The following RPTOR variants were observed in gnomAD, a reference collection of about 807,000 sequenced individuals.
The protein encoded by RPTOR is regulatory-associated protein of mTOR.
RPTOR carries 21 observed loss-of-function variants against 169.9 expected under a neutral mutation model. The observed-to-expected ratio is 0.12, with a 90% CI of 0.09 to 0.18. The LOEUF (loss-of-function observed/expected upper bound fraction) is 0.18. Among genes scored for constraint, RPTOR ranks in the 10% least tolerant of loss-of-function variants. RPTOR has a pLI of 1.00. For missense variants in RPTOR, 1,133 were observed against 1,855.9 expected, an observed-to-expected ratio of 0.61 and a Z score of 7.16; for synonymous variants, 732 against 753.2, an observed-to-expected ratio of 0.97 and a Z score of 0.46.
At chr17:80,921,992 G>A (rs2068750825) in intron 21 of RPTOR, among the ~76,000 whole-genome samples, 1 of 152,144 alleles carries the variant, frequency 6.6e-6, no homozygotes, top group African/African-American at 2.4e-5. Context: ...TGAGTTCCAG[G>A]CCCCGTCACA....
In RPTOR at chr17:80,634,264, CGTGTGTGTGCGTACT is replaced by C. The variant is rs1192760254; in HGVS notation, c.265+8505_265+8519del. ...GCGTGCATACTGTATGCGTGCATAC[CGTGTGTGTGCGTACT>C]GTGTGTGTGCGTACTGTGTGTGTGC... On this transcript the variant is annotated intron_variant, in intron 2 of 33. Coordinates refer to ENST00000306801, the MANE Select transcript of RPTOR (RefSeq NM_020761.3). 1.5e-3 allele frequency among the ~76,000 whole-genome samples: 64 copies of C among 43,936 alleles called. 1 individual carries two copies. The highest frequency in any genetic ancestry group is 0.013 in the East Asian group (21 of 1,608). 28.8% of individuals were successfully genotyped at this position (43,936 alleles called of 152,430 possible). A position where few individuals can be genotyped will look rare whatever the true frequency, so the allele number is the denominator to read the frequency against.
intron 9 of RPTOR, among the ~76,000 whole-genome samples, chr17:80,834,419 C>T (rs1249018426): frequency 6.6e-6 from 1 of 152,298 alleles, no homozygotes; most frequent in African/African-American, 2.4e-5. Context: ...ATCGTCTGGG[C>T]GCCGAGCCAC....
At chr17:80,774,694 C>T (rs1209878482) in intron 6 of RPTOR, among the ~76,000 whole-genome samples, 1 of 152,160 alleles carries the variant, frequency 6.6e-6, no homozygotes, top group African/African-American at 2.4e-5. Context: ...ACAGAGCTTT[C>T]GGCAGGGACA....
chr17:80,917,924 A>C (rs1281223000), intron 21 of RPTOR, among the ~76,000 whole-genome samples: 1 of 151,984 alleles, frequency 6.6e-6, no homozygotes, highest in African/African-American at 2.4e-5. Flanking sequence ...TGCCTCTCCC[A>C]CCAAGCCACG....
chr17:80,709,890 T>A (rs2143104927), intron 4 of RPTOR, among the ~76,000 whole-genome samples: 1 of 152,252 alleles, frequency 6.6e-6, no homozygotes, highest in South Asian at 2.1e-4. Flanking sequence ...TTCCAGACAG[T>A]AATGATTTTT....
chr17:80,793,102 TGGCCGTGCCA>T (rs1420922971), intron 7 of RPTOR, among the ~76,000 whole-genome samples: 1 of 152,212 alleles, frequency 6.6e-6, no homozygotes, highest in Non-Finnish European at 1.5e-5. Flanking sequence ...TGAGTGATTC[TGGCCGTGCCA>T]GGCCAAAATC....
rs9899844 is a variant in RPTOR at position 80,823,976 on chromosome 17, G to A, written c.1136+753G>A. 1.3e-5 allele frequency among the ~76,000 whole-genome samples: 2 copies of A among 152,164 alleles called. No homozygotes were observed. The highest frequency in any genetic ancestry group is 6.5e-5 in the Admixed American group (1 of 15,282). ...AAGAGCGATTAACGTATGCCTAGCC[G>A]CAGAAGCCATCATGTGGCGTATTTT... On this transcript the variant is annotated intron_variant, in intron 9 of 33. Transcript: ENST00000306801. The surrounding 1 kb of genome is among the most constrained non-coding windows in gnomAD (Gnocchi z 4.5).
intron 6 of RPTOR, among the ~76,000 whole-genome samples, chr17:80,783,932 A>G (rs1042821939): frequency 3.9e-5 from 6 of 152,186 alleles, no homozygotes; most frequent in Admixed American, 3.9e-4. Flanking sequence ...AACGTTTGCA[A>G]GTTAGGAAAG....
rs373138358 is a variant in RPTOR, at chr17:80,857,765, C to T, written c.1399-25C>T. 7.7e-5 allele frequency: 121 copies of T among 1,565,926 alleles called. No individual in the cohort carries two copies. In the African/African-American group the frequency reaches 1.1e-3, roughly 14 times the overall value. ...CCGTTCCCTTGCTGCGGCACAGGTG[C>T]GCTGACGCCCTCCCTCGCCCCCAGG... On this transcript the variant is annotated intron_variant, in intron 12 of 33. Coordinates refer to ENST00000306801, the MANE Select transcript of RPTOR (RefSeq NM_020761.3).
intron 4 of RPTOR, among the ~76,000 whole-genome samples, chr17:80,728,719 A>AT (rs542891937): frequency 9.0e-4 from 133 of 147,772 alleles, no homozygotes; most frequent in Non-Finnish European, 1.5e-3. Flanking sequence ...TTCTTTATTA[A>AT]TTTTTTTTTG....
At chr17:80,752,479 A>G (rs1406778587) in intron 5 of RPTOR, among the ~76,000 whole-genome samples, 1 of 152,246 alleles carries the variant, frequency 6.6e-6, no homozygotes, top group Non-Finnish European at 1.5e-5. Flanking sequence ...TATTTCCAGG[A>G]GCAGGCAGAG....
At position 80,679,923 on chromosome 17, in the gene RPTOR, G is replaced by A. The variant is rs535241522; in HGVS notation, c.349-27918G>A. ...GGTGTCCTCTCCACGGTTCCCCAGA[G>A]CCCAGAGAGGCGGAGGGAGCCCCAT... On this transcript the variant is annotated intron_variant, in intron 3 of 33. Coordinates refer to ENST00000306801, the MANE Select transcript of RPTOR (RefSeq NM_020761.3). Among the ~76,000 whole-genome samples, 3 of 152,286 alleles carry A rather than the reference G, an allele frequency of 2.0e-5. No homozygotes were observed. In the East Asian group the frequency reaches 5.8e-4, roughly 29 times the overall value.
rs1459931257 is a variant in RPTOR at position 80,545,173 on chromosome 17, C to A, written c.-457C>A. ...AGACCCAGGGCCCTTTGAACCCGATCCCTTGGCCGGAGACCTCAGCCCAGT... is the reference window on the plus strand; with the variant it reads ...AGACCCAGGGCCCTTTGAACCCGATACCTTGGCCGGAGACCTCAGCCCAGT... On this transcript the variant is annotated 5_prime_UTR_variant, in exon 1 of 34. Transcript: ENST00000306801. 1 of 234,578 alleles carries A rather than the reference C, an allele frequency of 4.3e-6. No homozygotes were observed. Among genetic ancestry groups the A allele is most frequent in the African/African-American group, 2.2e-5 (1 of 45,392 alleles). 14.5% of individuals were successfully genotyped at this position (234,578 alleles called of 1,614,324 possible).
rs1468541375 is a variant in RPTOR, at chr17:80,730,835, C to A, written c.654+129C>A. 15 of 929,876 alleles carry A rather than the reference C, an allele frequency of 1.6e-5. No individual in the cohort carries two copies. The highest frequency in any genetic ancestry group is 3.2e-5 in the African/African-American group (2 of 61,738). The allele number at this position is 929,876 out of a possible 1,614,324, so 57.6% of individuals were successfully genotyped here. On this transcript the variant is annotated intron_variant, in intron 5 of 33. Transcript: ENST00000306801. The surrounding 1 kb of genome is among the most constrained non-coding windows in gnomAD (Gnocchi z 4.2). ...GGAGCAGGGCTCAGAATGCCAAGGG[C>A]AGGATGGCATATTCAATGCTGTTGA... is the stretch of plus-strand genomic sequence containing the variant.
In RPTOR at chr17:80,851,059, G is replaced by C. The variant is rs1178705225; in HGVS notation, c.1315-4405G>C. ...CCCTCCTGACTCAGCCTCCTGAGTA[G>C]CTGGAACTGCATGCATGTGCCATCA... On this transcript the variant is annotated intron_variant, in intron 11 of 33. Transcript: ENST00000306801. Among the ~76,000 whole-genome samples, 5 of 152,340 alleles carry C rather than the reference G, an allele frequency of 3.3e-5. No homozygotes were observed. In the East Asian group the frequency reaches 9.6e-4, roughly 29 times the overall value.
intron 4 of RPTOR, among the ~76,000 whole-genome samples, chr17:80,717,071 T>G (rs1412086559): frequency 6.6e-6 from 1 of 152,232 alleles, no homozygotes. Flanking sequence ...TGGTTCCATA[T>G]GAGTTTTAGA....
intron 33 of RPTOR, 93 bp from the exon 34 acceptor site, chr17:80,964,169 C>T (rs1255329439): frequency 1.9e-6 from 2 of 1,078,588 alleles, no homozygotes; most frequent in East Asian, 2.4e-5. Context: ...CCGGCAGGAG[C>T]TGCCTAAGGA....
chr17:80,783,830 T>A (rs1262350611), intron 6 of RPTOR, among the ~76,000 whole-genome samples: 1 of 152,232 alleles, frequency 6.6e-6, no homozygotes, highest in Non-Finnish European at 1.5e-5. Flanking sequence ...AATAGCAAAC[T>A]CTTGCACTTA....
chr17:80,664,814 T>A (rs1389081677), intron 3 of RPTOR, among the ~76,000 whole-genome samples: 1 of 152,228 alleles, frequency 6.6e-6, no homozygotes, highest in Non-Finnish European at 1.5e-5. Context: ...TAGTGTTTAT[T>A]TGCTTCAGAA....
Sources: gnomAD v4.1 joint callset for allele counts (sites outside exome capture counted in the v4.1 genomes callset) on GRCh38, gnomAD v4.1.1 for gene constraint, Gnocchi (gnomAD v3.1) non-coding constraint, MANE v1.5 for transcripts, NCBI Gene and HGNC (gene_info 2026-07-23, HGNC 2026-07-21) for gene names.